The following DPEP1 variants were observed in gnomAD, a reference collection of about 807,000 sequenced individuals.
DPEP1 encodes beta-lactamase.
A neutral mutation model predicts 42.3 loss-of-function variants in DPEP1; 50 were observed. The ratio of observed to expected loss-of-function variants is 1.18; its 90% CI spans 0.94 to 1.50. The LOEUF (loss-of-function observed/expected upper bound fraction) is 1.50, where lower values mean the gene tolerates loss of function less well. Ranked by LOEUF, DPEP1 falls within the 40% of genes most tolerant of loss-of-function variation. The pLI is 0.00. For missense variants in DPEP1, 663 were observed against 553.0 expected, an observed-to-expected ratio of 1.20 and a Z score of -1.99; for synonymous variants, 297 against 234.0, an observed-to-expected ratio of 1.27 and a Z score of -2.46.
intron 1 of DPEP1, among the ~76,000 whole-genome samples, chr16:89,621,473 A>C (rs2059445789): frequency 2.6e-5 from 4 of 152,152 alleles, no homozygotes; most frequent in African/African-American, 9.7e-5. Context: ...AGGAGCCAGA[A>C]GAGAGAGTCC....
At chr16:89,635,872 G>T (rs199928490) in intron 2 of DPEP1, 36 bp from the exon 3 acceptor site, 1 of 1,560,080 alleles carries the variant, frequency 6.4e-7, no homozygotes, top group South Asian at 1.2e-5. Flanking sequence ...CCCAGTGGCC[G>T]CCCTGACTGC....
chr16:89,636,416 C>T lies in DPEP1; in HGVS notation c.370+20C>T, dbSNP rs539876915. ...GTGCAGGTGGGGTCCTGACCTGGGT[C>T]CTCCAGGTCCTGCGTCTTCTCACCC... On this transcript the variant is annotated intron_variant, in intron 4 of 10. Transcript: ENST00000690203. 25 of 1,605,450 alleles carry T rather than the reference C, an allele frequency of 1.6e-5. No homozygotes were observed. The African/African-American group carries it at 1.9e-4, about 12-fold the overall frequency.
intron 1 of DPEP1, among the ~76,000 whole-genome samples, chr16:89,626,707 C>T (rs559080612): frequency 3.5e-4 from 54 of 152,184 alleles, no homozygotes; most frequent in Admixed American, 3.5e-3. Flanking sequence ...CTCTCTCCCC[C>T]GCTGCCATTT....
Position 89,615,229 on chromosome 16 carries a change from G to A in DPEP1, c.-107+1510G>A, listed in dbSNP as rs1038092709. ...CAGTCCCTGCTTGCAGCTTCAGGGGGACGTAGGCTGCGGTGGACGGACACT... is the reference window on the plus strand; with the variant it reads ...CAGTCCCTGCTTGCAGCTTCAGGGGAACGTAGGCTGCGGTGGACGGACACT... On this transcript the variant is annotated intron_variant, in intron 1 of 10. Transcript: ENST00000690203. 1.1e-4 allele frequency among the ~76,000 whole-genome samples: 17 copies of A among 152,358 alleles called. 2 individuals carry two copies. Among genetic ancestry groups the A allele is most frequent in the Admixed American group, 7.2e-4 (11 of 15,306 alleles).
At chr16:89,615,010 C>A (rs1203626720) in intron 1 of DPEP1, among the ~76,000 whole-genome samples, 2 of 152,116 alleles carry the variant, frequency 1.3e-5, no homozygotes, top group African/African-American at 4.8e-5. Context: ...CATCTCTTGG[C>A]GAATTCTTGC....
chr16:89,621,721 C>T (rs964605100), intron 1 of DPEP1, among the ~76,000 whole-genome samples: 16 of 152,188 alleles, frequency 1.1e-4, no homozygotes, highest in Non-Finnish European at 1.8e-4. Flanking sequence ...TGTGCATGCA[C>T]GTGTGTCTGT....
chr16:89,614,777 A>G (rs1399425850), intron 1 of DPEP1, among the ~76,000 whole-genome samples: 1 of 152,218 alleles, frequency 6.6e-6, no homozygotes, highest in Non-Finnish European at 1.5e-5. Flanking sequence ...CCTGAGTGAC[A>G]GAGCGAGACT....
intron 1 of DPEP1, among the ~76,000 whole-genome samples, chr16:89,619,783 C>G (rs1402363346): frequency 4.5e-4 from 1 of 2,234 alleles, no homozygotes; most frequent in African/African-American, 4.9e-3. Context: ...CAGCCCCCTG[C>G]ACCCCCTCCC....
chr16:89,633,036 A>C (rs960723804), intron 2 of DPEP1, among the ~76,000 whole-genome samples: 1 of 152,074 alleles, frequency 6.6e-6, no homozygotes, highest in Non-Finnish European at 1.5e-5. Context: ...AGGAATCCCT[A>C]CCCATCCCAG....
downstream of DPEP1, among the ~76,000 whole-genome samples, chr16:89,640,173 G>C (rs1027471155): frequency 6.6e-6 from 1 of 152,208 alleles, no homozygotes; most frequent in Non-Finnish European, 1.5e-5. Context: ...GTCTTGAGAT[G>C]CACACAGGGC....
At chr16:89,641,330 G>T (rs1399167823), downstream of DPEP1, among the ~76,000 whole-genome samples, 1 of 152,114 alleles carries the variant, frequency 6.6e-6, no homozygotes, top group Non-Finnish European at 1.5e-5. Context: ...GCTAAGTAAC[G>T]GGTGCCTTCC....
At position 89,636,010 on chromosome 16, in the gene DPEP1, C is replaced by T. The variant is rs773254924; in HGVS notation, c.207C>T (p.Pro69=). The change falls in exon 3 of 11, where the codon CCC becomes CCT. Residue 69 remains proline (P), a synonymous_variant. Transcript: ENST00000690203. The part of the protein sequence containing the change: ...TTLAGTHTNI[P]KLRAGFVGGQ... ...TGGCCGGCACACACACCAACATCCCCAAGCTGAGGGCCGGCTTTGTGGGAG... is the reference window on the plus strand; with the variant it reads ...TGGCCGGCACACACACCAACATCCCTAAGCTGAGGGCCGGCTTTGTGGGAG... The T allele has an allele frequency of 6.2e-7, 1 of 1,611,864 alleles. No homozygotes were observed. The highest frequency in any genetic ancestry group is 1.1e-5 in the South Asian group (1 of 90,952).
intron 2 of DPEP1, among the ~76,000 whole-genome samples, chr16:89,635,396 G>T (rs1030802093): frequency 6.6e-6 from 1 of 152,216 alleles, no homozygotes; most frequent in African/African-American, 2.4e-5. Flanking sequence ...CCCAAAGCCT[G>T]TACTCGACAC....
chr16:89,640,668 G>T (rs543486134), downstream of DPEP1: 1 of 981,412 alleles, frequency 1.0e-6, no homozygotes, highest in Non-Finnish European at 1.2e-6. Context: ...GGCGTTTTCC[G>T]TCTGGGATTG....
chr16:89,638,097 G>A lies in DPEP1; in HGVS notation c.1111G>A (p.Asp371Asn). ...QAPEEEPIPLDQLGGSCRTHY... is the reference protein window; with the variant it reads ...QAPEEEPIPLNQLGGSCRTHY... ...TCCCGAGGAGGAGCCCATCCCGCTG[G>A]ACCAGCTGGGTGGCTCCTGCAGGAC... Residue 371 changes from aspartate to asparagine, a missense_variant, in exon 11 of 11, where the codon GAC becomes AAC. Physicochemically the swap from Asp to Asn is conservative, Grantham distance 23 (BLOSUM62 1). Coordinates refer to ENST00000690203, the MANE Select transcript of DPEP1 (RefSeq NM_001389466.1). 1 of 1,612,268 alleles carries A rather than the reference G, an allele frequency of 6.2e-7. No individual in the cohort carries two copies. The highest frequency in any genetic ancestry group is 8.5e-7 in the Non-Finnish European group (1 of 1,179,818).
intron 2 of DPEP1, among the ~76,000 whole-genome samples, chr16:89,634,157 C>T (rs1484197652): frequency 6.9e-6 from 1 of 144,576 alleles, no homozygotes; most frequent in East Asian, 2.3e-4. Context: ...GGTGCGATCT[C>T]GGCTCACTGC....
chr16:89,623,707 G>A (rs1324662734), intron 1 of DPEP1, among the ~76,000 whole-genome samples: 1 of 152,022 alleles, frequency 6.6e-6, no homozygotes, highest in Non-Finnish European at 1.5e-5. Flanking sequence ...CAGAGGAAAT[G>A]GAGTGCACAG....
rs1372615908 is a variant in DPEP1, at chr16:89,637,868, A to G, written c.962A>G (p.Tyr321Cys). 1.9e-6 allele frequency: 3 copies of G among 1,612,770 alleles called. No homozygotes were observed. Among genetic ancestry groups the G allele is most frequent in the Non-Finnish European group, 2.5e-6 (3 of 1,179,922 alleles). Reference sequence around the variant, plus strand: ...GAGGGGCTGGAGGACGTCTCCAAGTATCCAGACCTGATCGCTGAGCTGCTC... The same window carrying G: ...GAGGGGCTGGAGGACGTCTCCAAGTGTCCAGACCTGATCGCTGAGCTGCTC... ...VPEGLEDVSK[Y>C]PDLIAELLRR... Residue 321 changes from tyrosine (Y) to cysteine (C), a missense_variant, in exon 10 of 11, where the codon TAT becomes TGT. Coordinates refer to ENST00000690203, the MANE Select transcript of DPEP1 (RefSeq NM_001389466.1).
chr16:89,629,563 G>A (rs2059558382), intron 1 of DPEP1, among the ~76,000 whole-genome samples: 1 of 149,792 alleles, frequency 6.7e-6, no homozygotes, highest in African/African-American at 2.5e-5. Context: ...CAGCAGGCCT[G>A]GTTTAGCCCC....
Sources: allele counts gnomAD v4.1 joint callset (sites outside exome capture counted in the v4.1 genomes callset), GRCh38; gene constraint gnomAD v4.1.1; transcripts MANE v1.5; gene names NCBI Gene and HGNC (gene_info 2026-07-23, HGNC 2026-07-21).